Variants in GIGYF2 observed in about 807,000 individuals in gnomAD.
GIGYF2 encodes the protein GRB10 interacting GYF protein 2.
GIGYF2 carries 25 observed loss-of-function variants against 208.1 expected under a neutral mutation model. The ratio of observed to expected loss-of-function variants is 0.12; its 90% CI spans 0.09 to 0.17. The LOEUF is 0.17. Among genes scored for constraint, GIGYF2 ranks in the 10% least tolerant of loss-of-function variants. GIGYF2 has a pLI of 1.00. For synonymous variants in GIGYF2, 534 were observed against 543.8 expected (o/e 0.98, Z 0.25); for missense variants, 1,302 against 1,579.4 (o/e 0.82, Z 2.98).
At chr2:232,740,750 C>A in intron 3 of GIGYF2, among the ~76,000 whole-genome samples, 1 of 152,012 alleles carries the variant, frequency 6.6e-6, no homozygotes, top group East Asian at 1.9e-4. Flanking sequence ...GAATGCAAAC[C>A]TGAGATTGAT....
chr2:232,790,229 CA>C (rs553981800), intron 9 of GIGYF2, among the ~76,000 whole-genome samples: 225 of 152,212 alleles, frequency 1.5e-3, no homozygotes, highest in African/African-American at 4.9e-3. Flanking sequence ...TATAAGTCAA[CA>C]CAGGGAGCTG....
intron 2 of GIGYF2, among the ~76,000 whole-genome samples, chr2:232,703,830 A>G (rs1193957776): frequency 1.3e-5 from 2 of 152,234 alleles, no homozygotes; most frequent in Non-Finnish European, 1.5e-5. Flanking sequence ...CAGGAGCCAT[A>G]GTACTTGTAG....
At chr2:232,770,962 G>A in intron 8 of GIGYF2, 1 of 1,614,036 alleles carries the variant, frequency 6.2e-7, no homozygotes, top group Non-Finnish European at 8.5e-7. Context: ...TAAGGCGATT[G>A]CACTTGGACA....
At chr2:232,779,140 G>A (rs895901719) in intron 8 of GIGYF2, among the ~76,000 whole-genome samples, 2 of 152,114 alleles carry the variant, frequency 1.3e-5, no homozygotes, top group African/African-American at 4.8e-5. Flanking sequence ...GAAACTCATG[G>A]TCCTTCCCAT....
At chr2:232,792,027 G>T (rs2106365107) in intron 12 of GIGYF2, among the ~76,000 whole-genome samples, 1 of 152,228 alleles carries the variant, frequency 6.6e-6, no homozygotes, top group South Asian at 2.1e-4. Flanking sequence ...ACGTTGAAGG[G>T]TTACTTGATT....
chr2:232,711,450 TAAAAGGTATTAGTTTATTTAAAAATAACA>T (rs1347584045), intron 2 of GIGYF2, among the ~76,000 whole-genome samples: 1 of 151,690 alleles, frequency 6.6e-6, no homozygotes, highest in African/African-American at 2.4e-5. Context: ...TCAAGAAATC[TAAAAGGTATTAGTTTATTTAAAAATAACA>T]AACTCATTAC....
intron 2 of GIGYF2, among the ~76,000 whole-genome samples, chr2:232,728,410 A>G (rs182173277): frequency 6.6e-6 from 1 of 152,246 alleles, no homozygotes; most frequent in Non-Finnish European, 1.5e-5. Context: ...CCAGACATGC[A>G]TTAATAGAGT....
chr2:232,838,883 G>A (rs1356811720), intron 22 of GIGYF2, among the ~76,000 whole-genome samples: 1 of 151,794 alleles, frequency 6.6e-6, no homozygotes, highest in African/African-American at 2.4e-5. Context: ...GCTAAAAAAT[G>A]TTAAGAGTTG....
intron 2 of GIGYF2, among the ~76,000 whole-genome samples, chr2:232,715,073 T>G (rs1331051385): frequency 1.3e-5 from 2 of 152,216 alleles, no homozygotes; most frequent in East Asian, 3.8e-4. Context: ...CTAAGGATAA[T>G]GGTCTTCAGT....
chr2:232,834,952 T>G (rs577614953), intron 22 of GIGYF2, among the ~76,000 whole-genome samples: 1 of 152,336 alleles, frequency 6.6e-6, no homozygotes, highest in Non-Finnish European at 1.5e-5. Context: ...TCCTAAATAG[T>G]GAGCATTGTA....
chr2:232,787,308 A>G lies in GIGYF2; in HGVS notation c.691A>G (p.Arg231Gly). 1.2e-6 allele frequency: 2 copies of G among 1,614,010 alleles called. No individual in the cohort carries two copies. The highest frequency in any genetic ancestry group is 1.7e-6 in the Non-Finnish European group (2 of 1,179,954). The change falls in exon 9 of 29, where the codon AGG (arginine) becomes GGG (glycine). Residue 231 changes from arginine (R) to glycine (G), a missense_variant. Physicochemically the swap from Arg to Gly is moderately radical, Grantham distance 125. Around this residue, in one of 8 missense-constraint regions of GIGYF2, gnomAD observed 189 missense variants for 257.7 expected, o/e 0.73. Coordinates refer to ENST00000373563, the MANE Select transcript of GIGYF2 (RefSeq NM_001103146.3). The stretch of plus-strand genomic sequence containing the variant: ...AGCTGGATCAAGGAGGGATGGAGAG[A>G]GGTGGCGACCTCACAGTCCTGGTAA... ...RLAGSRRDGERWRPHSPDGPR... is the reference protein window; with the variant it reads ...RLAGSRRDGEGWRPHSPDGPR...
intron 20 of GIGYF2, among the ~76,000 whole-genome samples, chr2:232,819,196 C>T (rs1701002536): frequency 1.3e-5 from 2 of 152,158 alleles, no homozygotes; most frequent in South Asian, 2.1e-4. Flanking sequence ...ACGGTTAATT[C>T]TTAGAGTCAC....
intron 8 of GIGYF2, chr2:232,782,890 T>A (rs1699767358): frequency 6.6e-6 from 1 of 152,226 alleles, no homozygotes. Context: ...GCATGAAGAT[T>A]TTTGAGGCTC....
chr2:232,709,196 C>A (rs1460568431), intron 2 of GIGYF2, among the ~76,000 whole-genome samples: 4 of 152,158 alleles, frequency 2.6e-5, no homozygotes, highest in Admixed American at 6.5e-5. Flanking sequence ...CTATCCTTAT[C>A]TGTAAAGTAT....
intron 22 of GIGYF2, among the ~76,000 whole-genome samples, chr2:232,833,331 C>T (rs1382840019): frequency 1.3e-5 from 2 of 152,088 alleles, no homozygotes; most frequent in Admixed American, 6.5e-5. Context: ...TATGATCCTC[C>T]CACCTCAGCC....
intron 8 of GIGYF2, chr2:232,766,866 C>T (rs896615648): frequency 6.6e-6 from 1 of 152,148 alleles, no homozygotes; most frequent in African/African-American, 2.4e-5. Flanking sequence ...TCATTTTTCC[C>T]ACAGAAACCT....
chr2:232,768,119 T>G, intron 8 of GIGYF2: 493 of 1,460,198 alleles, frequency 3.4e-4, no homozygotes, highest in Non-Finnish European at 4.3e-4. Flanking sequence ...AAAGAAAACA[T>G]GAGATACAGT....
intron 18 of GIGYF2, 72 bp from the exon 19 acceptor site, chr2:232,815,565 A>T: frequency 1.1e-6 from 1 of 877,522 alleles, no homozygotes; most frequent in Non-Finnish European, 1.9e-6. Flanking sequence ...AGCTTTTTTC[A>T]TGATTCCTAC....
At chr2:232,805,293 C>T (rs147846861) in intron 14 of GIGYF2, among the ~76,000 whole-genome samples, 335 of 152,082 alleles carry the variant, frequency 2.2e-3, no homozygotes, top group African/African-American at 7.8e-3. Context: ...TGGTCTATCA[C>T]GTGGTGGTTA....
Sources: allele counts gnomAD v4.1 joint callset (sites outside exome capture counted in the v4.1 genomes callset), GRCh38; gene constraint gnomAD v4.1.1; regional missense constraint gnomAD v4.1.1; transcripts MANE v1.5; gene names NCBI Gene and HGNC (gene_info 2026-07-23, HGNC 2026-07-21).